EMILIN2: variants seen among roughly 807,000 people sequenced by gnomAD.
The protein encoded by EMILIN2 is EMILIN-2.
Under a neutral mutation model 87.1 loss-of-function variants are expected in EMILIN2, and 71 were observed. The observed-to-expected ratio is 0.82, with a 90% CI of 0.67 to 0.99. The LOEUF is 0.99. Ranked by LOEUF, EMILIN2 falls within the 50% of genes least tolerant of loss-of-function variation. The pLI is 0.00. For synonymous variants in EMILIN2, 581 were observed against 563.4 expected, an observed-to-expected ratio of 1.03 and a Z score of -0.44; for missense variants, 1,407 against 1,371.8, an observed-to-expected ratio of 1.03 and a Z score of -0.40.
chr18:2,887,016 C>T (rs1480890175), intron 3 of EMILIN2, among the ~76,000 whole-genome samples: 2 of 152,174 alleles, frequency 1.3e-5, no homozygotes, highest in Admixed American at 1.3e-4. Flanking sequence ...CTTGGCTTAG[C>T]CCCTTGCTTT....
Position 2,906,930 on chromosome 18 carries a change from C to T in EMILIN2, c.2507C>T (p.Pro836Leu). The change falls in exon 5 of 8, where the codon CCC becomes CTC. Residue 836 changes from proline (P) to leucine (L), a missense_variant. Physicochemically the swap from Pro to Leu is moderately conservative, Grantham distance 98 (BLOSUM62 -3). Transcript: ENST00000254528. ...CAGCGGCCCCCCGAGGAGAGGCCGC[C>T]CCAGCCGCCAGGCTCCACCGGGGTC... The part of the protein sequence containing the change: ...LPQRPPEERP[P>L]QPPGSTGVIA... 2.9e-6 allele frequency: 4 copies of T among 1,397,862 alleles called. No homozygotes were observed. The highest frequency in any genetic ancestry group is 1.5e-5 in the South Asian group (1 of 65,652). 86.6% of individuals were successfully genotyped at this position (1,397,862 alleles called of 1,614,324 possible).
intron 2 of EMILIN2, among the ~76,000 whole-genome samples, chr18:2,860,848 C>A (rs2076657350): frequency 6.6e-6 from 1 of 152,134 alleles, no homozygotes; most frequent in Non-Finnish European, 1.5e-5. Flanking sequence ...GTTTACAGTC[C>A]CACCAACAGT....
At position 2,909,338 on chromosome 18, in the gene EMILIN2, G is replaced by A. The variant is rs368175792; in HGVS notation, c.2696-353G>A. Among the ~76,000 whole-genome samples the A allele has an allele frequency of 5.3e-5, 8 of 152,364 alleles. No homozygotes were observed. The East Asian group carries it at 9.6e-4, about 18-fold the overall frequency. ...TTATTAGTAAGGAAGCAGCTCCCTAGATGATGATGCACCCACTGCCTGGCC... is the reference window on the plus strand; with the variant it reads ...TTATTAGTAAGGAAGCAGCTCCCTAAATGATGATGCACCCACTGCCTGGCC... On this transcript the variant is annotated intron_variant, in intron 6 of 7. Coordinates refer to ENST00000254528, the MANE Select transcript of EMILIN2 (RefSeq NM_032048.3).
intron 3 of EMILIN2, among the ~76,000 whole-genome samples, chr18:2,889,032 C>G (rs2076817577): frequency 6.6e-6 from 1 of 151,490 alleles, no homozygotes; most frequent in Non-Finnish European, 1.5e-5. Context: ...ATTTTTTCCA[C>G]TTTATATGTC....
intron 4 of EMILIN2, 47 bp downstream of exon 4, chr18:2,892,533 G>A (rs763540421): frequency 1.7e-5 from 25 of 1,512,332 alleles, no homozygotes; most frequent in Admixed American, 2.2e-5. Flanking sequence ...TTTGCAGCAC[G>A]CAACAACATT....
In EMILIN2 at chr18:2,847,445, G is replaced by A. The variant is rs917142173; in HGVS notation, c.134+123G>A. The A allele has an allele frequency of 2.1e-5, 24 of 1,121,202 alleles. No homozygotes were observed. Among genetic ancestry groups the A allele is most frequent in the Non-Finnish European group, 2.7e-5 (24 of 883,160 alleles). The allele number at this position is 1,121,202 out of a possible 1,614,324, so 69.5% of individuals were successfully genotyped here. On this transcript the variant is annotated intron_variant, in intron 1 of 7. Transcript: ENST00000254528. This position sits in a 1 kb window ranked among gnomAD's most constrained non-coding sequence, Gnocchi z 4.5. ...CGGGGGCCTCCCTTGGACTTCCCCG[G>A]GCGGCTCCCTCTGCGGGGGACCGCG...
intron 2 of EMILIN2, among the ~76,000 whole-genome samples, chr18:2,879,316 T>C (rs1426893908): frequency 1.3e-5 from 2 of 152,180 alleles, no homozygotes; most frequent in East Asian, 3.9e-4. Flanking sequence ...GTCTGTGAAA[T>C]ACACTAGTTT....
At position 2,890,798 on chromosome 18, in the gene EMILIN2, G is replaced by A. The variant is rs34307586; in HGVS notation, c.671G>A (p.Arg224Gln). 47,832 of 1,613,460 alleles carry A rather than the reference G, an allele frequency of 0.03. 828 individuals carry two copies. The highest frequency in any genetic ancestry group is 0.036 in the Non-Finnish European group (42,044 of 1,179,672). Residue 224 changes from arginine to glutamine, a missense_variant, in exon 4 of 8, where the codon CGG becomes CAG. By Grantham distance (43) the Arg-to-Gln change is conservative. Coordinates refer to ENST00000254528, the MANE Select transcript of EMILIN2 (RefSeq NM_032048.3). This position sits in a 1 kb window ranked among gnomAD's most constrained non-coding sequence, Gnocchi z 4.7. ...ACTCAGGATGATGCCAGTAGAACAC[G>A]GGCACCAGGGCTCAGCAGCCAGCAC... The part of the protein sequence containing the change: ...HATQDDASRT[R>Q]APGLSSQHPK...
At chr18:2,859,118 T>A (rs1346590464) in intron 2 of EMILIN2, among the ~76,000 whole-genome samples, 1 of 152,222 alleles carries the variant, frequency 6.6e-6, no homozygotes. Flanking sequence ...GTAGTTCTAC[T>A]TTTAGTTCTT....
Position 2,913,206 on chromosome 18 carries a change from G to T in EMILIN2, c.2964G>T (p.Glu988Asp). ...AQLHTAGYRR[E>D]FLEYHRPPGA... ...TGCATACCGCTGGGTACAGGAGAGAGTTCCTGGAATACCACCGCCCTCCAG... is the reference window on the plus strand; with the variant it reads ...TGCATACCGCTGGGTACAGGAGAGATTTCCTGGAATACCACCGCCCTCCAG... Residue 988 changes from glutamate (E) to aspartate (D), a missense_variant, in exon 8 of 8, where the codon GAG (glutamate) becomes GAT (aspartate). Transcript: ENST00000254528. 6.2e-7 allele frequency: 1 copy of T among 1,614,038 alleles called. No homozygotes were observed. The highest frequency in any genetic ancestry group is 8.5e-7 in the Non-Finnish European group (1 of 1,180,022).
At chr18:2,861,083 T>A (rs2076658696) in intron 2 of EMILIN2, among the ~76,000 whole-genome samples, 1 of 151,636 alleles carries the variant, frequency 6.6e-6, no homozygotes, top group Admixed American at 6.6e-5. Flanking sequence ...TGATGGGGTT[T>A]TTTGTTTTTT....
In EMILIN2 at chr18:2,847,409, C is replaced by T. The variant is rs1281370110; in HGVS notation, c.134+87C>T. ...CCCAGAGCTGCCCTGCCAAAGACGACGAGCGGCAGCCGGGGGCCTCCCTTG... is the reference window on the plus strand; with the variant it reads ...CCCAGAGCTGCCCTGCCAAAGACGATGAGCGGCAGCCGGGGGCCTCCCTTG... On this transcript the variant is annotated intron_variant, in intron 1 of 7. Coordinates refer to ENST00000254528, the MANE Select transcript of EMILIN2 (RefSeq NM_032048.3). The surrounding 1 kb of genome is among the most constrained non-coding windows in gnomAD (Gnocchi z 4.5). 3 of 1,190,872 alleles carry T rather than the reference C, an allele frequency of 2.5e-6. No homozygotes were observed. The African/African-American group carries it at 4.8e-5, about 19-fold the overall frequency. The allele number at this position is 1,190,872 out of a possible 1,614,324, so 73.8% of individuals were successfully genotyped here. A position where few individuals can be genotyped will look rare whatever the true frequency, so the allele number is the denominator to read the frequency against.
In EMILIN2 at chr18:2,891,498, C is replaced by T; in HGVS notation, c.1371C>T (p.Ile457=). ...DAKWNELDAR[I]NVTEKNAEEH... is the part of the protein sequence containing the mutation. ...AATGGAATGAACTCGATGCAAGGAT[C>T]AATGTGACGGAGAAGAACGCTGAAG... The change falls in exon 4 of 8, where the codon ATC becomes ATT. Residue 457 remains isoleucine (I), a synonymous_variant. Transcript: ENST00000254528. This position sits in a 1 kb window ranked among gnomAD's most constrained non-coding sequence, Gnocchi z 4.6. The T allele has an allele frequency of 6.2e-7, 1 of 1,614,178 alleles. No homozygotes were observed.
intron 2 of EMILIN2, among the ~76,000 whole-genome samples, chr18:2,858,975 C>T (rs1486638635): frequency 6.6e-6 from 1 of 152,124 alleles, no homozygotes; most frequent in Non-Finnish European, 1.5e-5. Flanking sequence ...GATTGATGCA[C>T]ATTTGGGTTG....
At chr18:2,858,593 ATATATATATGTG>A (rs1442492705) in intron 2 of EMILIN2, among the ~76,000 whole-genome samples, 1 of 108,192 alleles carries the variant, frequency 9.2e-6, no homozygotes, top group African/African-American at 5.3e-5. Context: ...GTATATATAT[ATATATATATGTG>A]TATATATATA....
At chr18:2,853,715 C>T (rs894374569) in intron 2 of EMILIN2, among the ~76,000 whole-genome samples, 5 of 152,228 alleles carry the variant, frequency 3.3e-5, no homozygotes, top group African/African-American at 1.2e-4. Context: ...TCCCGCTCCA[C>T]ACCTGGCAGC....
chr18:2,874,061 C>T (rs1265714293), intron 2 of EMILIN2, among the ~76,000 whole-genome samples: 1 of 152,162 alleles, frequency 6.6e-6, no homozygotes, highest in African/African-American at 2.4e-5. Flanking sequence ...TAGTTGTCAC[C>T]AACCTTAAAA....
chr18:2,889,821 C>G (rs1013243326), intron 3 of EMILIN2, among the ~76,000 whole-genome samples: 5 of 151,868 alleles, frequency 3.3e-5, no homozygotes, highest in Admixed American at 6.6e-5. Flanking sequence ...CACCACCTCC[C>G]TGACCAGCTT....
chr18:2,849,085 A>G (rs1285372924), intron 2 of EMILIN2, among the ~76,000 whole-genome samples: 2 of 152,226 alleles, frequency 1.3e-5, no homozygotes, highest in Non-Finnish European at 2.9e-5. Flanking sequence ...CTGAAATTGA[A>G]TGCCCAGCTA....
Sources: allele counts gnomAD v4.1 joint callset (sites outside exome capture counted in the v4.1 genomes callset), GRCh38; gene constraint gnomAD v4.1.1; non-coding constraint Gnocchi (gnomAD v3.1); transcripts MANE v1.5; gene names NCBI Gene and HGNC (gene_info 2026-07-23, HGNC 2026-07-21).